FRMPD2: variants seen among roughly 807,000 people sequenced by gnomAD.
FRMPD2 encodes the protein FERM and PDZ domain containing 2, also known as FERM and PDZ domain-containing protein 2.
In FRMPD2, 96 loss-of-function variants were observed where a neutral mutation model predicts 140.1. That is an observed-to-expected ratio of 0.69 (90% CI 0.58 to 0.81). The LOEUF (loss-of-function observed/expected upper bound fraction) is 0.81. Among genes scored for constraint, FRMPD2 ranks in the 40% least tolerant of loss-of-function variants. The pLI, the probability that FRMPD2 is intolerant of heterozygous loss-of-function variation, is 0.00. For synonymous variants in FRMPD2, 449 were observed against 547.6 expected (o/e 0.82, Z 2.52); for missense variants, 1,240 against 1,447.4 (o/e 0.86, Z 2.32).
intron 27 of FRMPD2, among the ~76,000 whole-genome samples, chr10:48,168,083 A>T (rs1484957232): frequency 2.0e-5 from 3 of 147,514 alleles, no homozygotes; most frequent in African/African-American, 8.1e-5. Context: ...ACACACACAC[A>T]CACTCATTCT....
chr10:48,255,109 C>T lies in FRMPD2; in HGVS notation c.26-3418G>A, dbSNP rs567385968. Among the ~76,000 whole-genome samples the T allele has an allele frequency of 1.3e-3, 198 of 152,256 alleles. 1 individual carries two copies. Among genetic ancestry groups the T allele is most frequent in the African/African-American group, 4.5e-3 (187 of 41,542 alleles). On this transcript the variant is annotated intron_variant, in intron 1 of 28. Transcript: ENST00000374201. ...ATTTTGGGGGGGCCCCTCCACTACC[C>T]TTATCTCTCATACACCTTCCCAGAT... is the stretch of plus-strand genomic sequence containing the variant.
chr10:48,211,676 C>T (rs1334170881), intron 13 of FRMPD2, among the ~76,000 whole-genome samples: 2 of 151,918 alleles, frequency 1.3e-5, no homozygotes, highest in East Asian at 1.9e-4. Flanking sequence ...CAGAGCGAGA[C>T]TCCATCTCAA....
chr10:48,217,664 G>C (rs1159959847), intron 12 of FRMPD2, among the ~76,000 whole-genome samples: 1 of 152,142 alleles, frequency 6.6e-6, no homozygotes, highest in Non-Finnish European at 1.5e-5. Flanking sequence ...TACATGTGTA[G>C]GTGTTGGGTT....
At chr10:48,202,951 C>T (rs139421399) in intron 14 of FRMPD2, among the ~76,000 whole-genome samples, 14 of 152,176 alleles carry the variant, frequency 9.2e-5, no homozygotes, top group African/African-American at 9.6e-5. Context: ...CAGTGAGGCA[C>T]CACCATACCC....
At chr10:48,262,968 T>C (rs1840620075) in intron 1 of FRMPD2, among the ~76,000 whole-genome samples, 1 of 152,076 alleles carries the variant, frequency 6.6e-6, no homozygotes, top group Non-Finnish European at 1.5e-5. Flanking sequence ...CATGGAGATT[T>C]GGTTCTGTCA....
intron 25 of FRMPD2, among the ~76,000 whole-genome samples, chr10:48,171,740 TAACTC>T (rs1286118708): frequency 4.9e-4 from 74 of 152,146 alleles, no homozygotes; most frequent in African/African-American, 1.7e-3. Flanking sequence ...CAATTATAGA[TAACTC>T]AACTATGTTT....
chr10:48,249,013 C>T lies in FRMPD2; in HGVS notation c.309+8G>A. 6.2e-7 allele frequency: 1 copy of T among 1,602,000 alleles called. No homozygotes were observed. The highest frequency in any genetic ancestry group is 8.5e-7 in the Non-Finnish European group (1 of 1,173,044). On this transcript the variant is annotated splice_region_variant and intron_variant, in intron 3 of 28. Coordinates refer to ENST00000374201, the MANE Select transcript of FRMPD2 (RefSeq NM_001018071.4). ...ACTCAGAAGTTGCAGAGTAGCTGCA[C>T]AGCTTACCTGAGATGCATCAGGCTG...
At chr10:48,178,621 A>G (rs1399078093) in intron 21 of FRMPD2, among the ~76,000 whole-genome samples, 1 of 152,144 alleles carries the variant, frequency 6.6e-6, no homozygotes, top group Non-Finnish European at 1.5e-5. Flanking sequence ...TCTGGCCACA[A>G]AGTTGGCCAA....
At chr10:48,220,475 CAT>C (rs1422554631) in intron 12 of FRMPD2, among the ~76,000 whole-genome samples, 1 of 152,094 alleles carries the variant, frequency 6.6e-6, no homozygotes, top group African/African-American at 2.4e-5. Context: ...AACCTGAAAA[CAT>C]AAAAATTTGA....
chr10:48,232,884 G>C (rs1365810777), intron 9 of FRMPD2, among the ~76,000 whole-genome samples: 1 of 152,176 alleles, frequency 6.6e-6, no homozygotes, highest in African/African-American at 2.4e-5. Context: ...GCCCCACCCA[G>C]ACCACTGTTG....
At chr10:48,176,073 T>G in intron 22 of FRMPD2, 134 bp from the exon 23 acceptor site, 1 of 653,220 alleles carries the variant, frequency 1.5e-6, no homozygotes, top group Non-Finnish European at 2.8e-6. Flanking sequence ...CACTGTCTTC[T>G]GTATTCACCT....
At chr10:48,224,029 C>G (rs1161152455) in intron 10 of FRMPD2, among the ~76,000 whole-genome samples, 1 of 152,206 alleles carries the variant, frequency 6.6e-6, no homozygotes, top group Non-Finnish European at 1.5e-5. Flanking sequence ...GTTAGAGCAG[C>G]CTGAGCTGCC....
chr10:48,263,348 C>T (rs1209174065), intron 1 of FRMPD2, among the ~76,000 whole-genome samples: 2 of 150,236 alleles, frequency 1.3e-5, no homozygotes, highest in East Asian at 2.0e-4. Context: ...AACAGAAAAA[C>T]AATAGAGAAA....
chr10:48,210,837 G>T (rs1232955000), intron 13 of FRMPD2, among the ~76,000 whole-genome samples: 1 of 152,196 alleles, frequency 6.6e-6, no homozygotes, highest in Non-Finnish European at 1.5e-5. Flanking sequence ...TCAATTAAGG[G>T]CAAGAAAACA....
rs1837810764 is a variant in FRMPD2, at chr10:48,157,351, GA to G, written c.3900del (p.Leu1301Ter). 1 of 804,238 alleles carries G rather than the reference GA, an allele frequency of 1.2e-6. No individual in the cohort carries two copies. Among genetic ancestry groups the G allele is most frequent in the Non-Finnish European group, 2.2e-6 (1 of 448,228 alleles). 49.8% of individuals were successfully genotyped at this position (804,238 alleles called of 1,614,324 possible). On this transcript the variant is annotated frameshift_variant, in exon 29 of 29. Transcript: ENST00000374201. LOFTEE classifies it high-confidence loss of function. Reference sequence around the variant, plus strand: ...AAAATATCTGTCGAAAGTCTGGTTAGAGGAGATGAGAAGGAATATCTAAGAG... The same window carrying G: ...AAAATATCTGTCGAAAGTCTGGTTAGGGAGATGAGAAGGAATATCTAAGAG... The part of the protein sequence containing the change: ...MRLGRYSFSS[P>X]LTRLSTDIF
At chr10:48,213,903 T>A (rs1234170386) in intron 12 of FRMPD2, among the ~76,000 whole-genome samples, 1 of 152,192 alleles carries the variant, frequency 6.6e-6, no homozygotes, top group Non-Finnish European at 1.5e-5. Context: ...ACAAATTGAG[T>A]AATTCTTGTC....
chr10:48,212,200 C>T (rs1839343211), intron 12 of FRMPD2, 91 bp from the exon 13 acceptor site: 1 of 1,313,676 alleles, frequency 7.6e-7, no homozygotes. Flanking sequence ...AGTCACAATT[C>T]CAGGAGGGCG....
rs547170271 is a variant in FRMPD2 at position 48,228,240 on chromosome 10, C to A, written c.1168+3875G>T. On this transcript the variant is annotated intron_variant, in intron 10 of 28. Coordinates refer to ENST00000374201, the MANE Select transcript of FRMPD2 (RefSeq NM_001018071.4). The stretch of plus-strand genomic sequence containing the variant: ...AACAATTCAAACATAATTGTTAAAA[C>A]CAAGTGAATTAATAAATGTAAATAT... Among the ~76,000 whole-genome samples the A allele has an allele frequency of 4.0e-5, 6 of 151,814 alleles. No homozygotes were observed. The South Asian group carries it at 1.0e-3, about 26-fold the overall frequency.
chr10:48,161,968 C>T (rs1837952605), intron 28 of FRMPD2, among the ~76,000 whole-genome samples: 1 of 149,998 alleles, frequency 6.7e-6, no homozygotes, highest in Admixed American at 6.6e-5. Context: ...TCTCAGGGTC[C>T]CTGTTCATTA....
Sources: allele counts gnomAD v4.1 joint callset (sites outside exome capture counted in the v4.1 genomes callset), GRCh38; gene constraint gnomAD v4.1.1; transcripts MANE v1.5; gene names NCBI Gene and HGNC (gene_info 2026-07-23, HGNC 2026-07-21).